The following NOTCH2 variants were observed in gnomAD, a reference collection of about 807,000 sequenced individuals.
NOTCH2 encodes notch receptor 2.
NOTCH2 carries 29 observed loss-of-function variants against 235.8 expected under a neutral mutation model. The observed-to-expected ratio is 0.12, with a 90% CI of 0.09 to 0.17. The LOEUF is 0.17. Among genes scored for constraint, NOTCH2 ranks in the 10% least tolerant of loss-of-function variants. The pLI is 1.00. For synonymous variants in NOTCH2, 1,086 were observed against 1,141.5 expected (o/e 0.95, Z 0.98); for missense variants, 2,285 against 3,150.2 (o/e 0.73, Z 6.57).
At chr1:120,037,203 T>C (rs1654342172) in intron 1 of NOTCH2, among the ~76,000 whole-genome samples, 1 of 151,988 alleles carries the variant, frequency 6.6e-6, no homozygotes, top group Admixed American at 6.6e-5. Context: ...CTTGACTGTC[T>C]GAGGCTCCTA....
intron 3 of NOTCH2, among the ~76,000 whole-genome samples, chr1:119,999,131 A>G (rs1652608423): frequency 6.9e-6 from 1 of 144,826 alleles, no homozygotes; most frequent in Admixed American, 6.9e-5. Context: ...GCTATTGTGA[A>G]TAGTGCCGCA....
intron 5 of NOTCH2, among the ~76,000 whole-genome samples, chr1:119,977,507 G>A (rs1393077269): frequency 2.0e-5 from 3 of 152,138 alleles, no homozygotes; most frequent in African/African-American, 7.2e-5. Context: ...AGCCCTCTGC[G>A]GTAGAGCTCC....
In NOTCH2 at chr1:119,925,505, G is replaced by A. The variant is rs34561092; in HGVS notation, c.4311C>T (p.Gly1437=). 2,469 of 1,614,094 alleles carry A rather than the reference G, an allele frequency of 1.5e-3. 17 individuals are homozygous for A. In the African/African-American group the frequency reaches 0.024, roughly 15 times the overall value. The change falls in exon 25 of 34, where the codon GGC becomes GGT. Residue 1437 remains glycine (G), a synonymous_variant. Coordinates refer to ENST00000256646, the MANE Select transcript of NOTCH2 (RefSeq NM_024408.4). ...GGCTGTTGCAGGCCTCATCACAGAC[G>A]CCATCCCGAGCTTTGTCGGCACAAT... ...SQYCADKARD[G]VCDEACNSHA...
At chr1:119,938,170 C>T (rs376511061) in intron 19 of NOTCH2, among the ~76,000 whole-genome samples, 160 bp from the exon 20 acceptor site, 4 of 152,054 alleles carry the variant, frequency 2.6e-5, no homozygotes, top group Non-Finnish European at 5.9e-5. Flanking sequence ...TTCAGTGTTC[C>T]GAGGTACACC....
chr1:119,979,752 T>C (rs1489858540), intron 5 of NOTCH2, among the ~76,000 whole-genome samples: 6 of 152,194 alleles, frequency 3.9e-5, no homozygotes, highest in Non-Finnish European at 7.3e-5. Flanking sequence ...AGAATATGTA[T>C]ATGTTTATAA....
Position 119,925,662 on chromosome 1 carries a change from T to C in NOTCH2, c.4154A>G (p.His1385Arg). The C allele has an allele frequency of 6.2e-7, 1 of 1,612,654 alleles. No individual in the cohort carries two copies. Residue 1385 changes from histidine (H) to arginine (R), a missense_variant, in exon 25 of 34, where the codon CAC (histidine) becomes CGC (arginine). His to Arg is a conservative substitution (Grantham distance 29). This residue lies in a region of NOTCH2 where 1,173 missense variants were observed against 1,515.3 expected (regional missense o/e 0.77). Transcript: ENST00000256646. ...ESGCASSPCQ[H>R]GGSCHPQRQP... The stretch of plus-strand genomic sequence containing the variant: ...GCGCTGAGGGTGGCAGCTGCCCCCG[T>C]GCTGGCAGGGGCTACTGGCACAGCC...
At chr1:120,029,563 C>T (rs1161070500) in intron 2 of NOTCH2, among the ~76,000 whole-genome samples, 4 of 151,928 alleles carry the variant, frequency 2.6e-5, no homozygotes, top group East Asian at 3.9e-4. Context: ...GTTGGCCAGG[C>T]TGATCTTGAA....
In NOTCH2 at chr1:120,067,583, A is replaced by T. The variant is rs587596821; in HGVS notation, c.73+1751T>A. Reference sequence around the variant, plus strand: ...CTTTAGTCCTGCTTCATAGGTGAGGAGACTACATATCATGAAGATTAAGTT... The same window carrying T: ...CTTTAGTCCTGCTTCATAGGTGAGGTGACTACATATCATGAAGATTAAGTT... On this transcript the variant is annotated intron_variant, in intron 1 of 33. Transcript: ENST00000256646. 6.6e-5 allele frequency among the ~76,000 whole-genome samples: 10 copies of T among 152,286 alleles called. No individual in the cohort carries two copies. The East Asian group carries it at 1.9e-3, about 29-fold the overall frequency.
At chr1:119,983,502 TCACATTAG>T (rs1651896331) in intron 5 of NOTCH2, among the ~76,000 whole-genome samples, 1 of 152,150 alleles carries the variant, frequency 6.6e-6, no homozygotes, top group South Asian at 2.1e-4. Flanking sequence ...ACATCTCAAT[TCACATTAG>T]CCATATTTCA....
intron 11 of NOTCH2, among the ~76,000 whole-genome samples, chr1:119,963,366 T>A (rs1651017039): frequency 6.6e-6 from 1 of 152,178 alleles, no homozygotes; most frequent in African/African-American, 2.4e-5. Flanking sequence ...CACAAAATCA[T>A]CAGATTGGCA....
intron 31 of NOTCH2, among the ~76,000 whole-genome samples, chr1:119,918,913 T>C (rs17258558): frequency 6.6e-6 from 1 of 151,892 alleles, no homozygotes; most frequent in Admixed American, 6.6e-5. Flanking sequence ...GAATATAATA[T>C]GAACTCAGGT....
chr1:120,032,673 G>A (rs1381007047), intron 1 of NOTCH2, among the ~76,000 whole-genome samples: 2 of 123,808 alleles, frequency 1.6e-5, no homozygotes, highest in African/African-American at 3.6e-5. Flanking sequence ...TTTTAAAAAA[G>A]AGTGTTAGAC....
At position 119,926,669 on chromosome 1, in the gene NOTCH2, C is replaced by G. The variant is rs587740250; in HGVS notation, c.3893-58G>C. 4.9e-5 allele frequency: 68 copies of G among 1,401,742 alleles called. No homozygotes were observed. In the African/African-American group the frequency reaches 8.0e-4, roughly 16 times the overall value. 86.8% of individuals were successfully genotyped at this position (1,401,742 alleles called of 1,614,324 possible). On this transcript the variant is annotated intron_variant, in intron 23 of 33. Transcript: ENST00000256646. ...AGGCAGAAGTAGTCACTGCAAGTTACTCAACAAACTTTGCTGGGATGGGAA... is the reference window on the plus strand; with the variant it reads ...AGGCAGAAGTAGTCACTGCAAGTTAGTCAACAAACTTTGCTGGGATGGGAA...
chr1:119,958,048 G>A (rs1553198586), intron 12 of NOTCH2, among the ~76,000 whole-genome samples: 1 of 152,098 alleles, frequency 6.6e-6, no homozygotes, highest in African/African-American at 2.4e-5. Context: ...GGTGACAATT[G>A]ACAATTTAGT....
intron 22 of NOTCH2, among the ~76,000 whole-genome samples, chr1:119,934,269 C>T (rs1448672738): frequency 6.6e-6 from 1 of 152,194 alleles, no homozygotes; most frequent in East Asian, 1.9e-4. Flanking sequence ...GATGCTGGCA[C>T]CGTGCTTCCT....
At chr1:120,005,032 C>T (rs1393893148) in intron 3 of NOTCH2, among the ~76,000 whole-genome samples, 1 of 152,214 alleles carries the variant, frequency 6.6e-6, no homozygotes, top group Admixed American at 6.5e-5. Flanking sequence ...AAGTGATCCT[C>T]CTGCCTTGGC....
intron 15 of NOTCH2, chr1:119,950,488 T>A (rs958699141): frequency 1.1e-4 from 74 of 654,876 alleles, no homozygotes; most frequent in Non-Finnish European, 1.9e-4. Flanking sequence ...TAAAAAAAAA[T>A]TTCTTTCAAA....
chr1:119,948,935 G>A, intron 16 of NOTCH2, 72 bp downstream of exon 16: 1 of 1,595,288 alleles, frequency 6.3e-7, no homozygotes, highest in Non-Finnish European at 8.6e-7. Context: ...CCTTCCATAT[G>A]ATCTGATAAC....
chr1:119,940,588 G>T lies in NOTCH2; in HGVS notation c.3150C>A (p.Ser1050Arg). 1 of 1,614,038 alleles carries T rather than the reference G, an allele frequency of 6.2e-7. No homozygotes were observed. Among genetic ancestry groups the T allele is most frequent in the Non-Finnish European group, 8.5e-7 (1 of 1,179,962 alleles). ...TTTTCCCAGTGTAGCCCAGGGGGCAGCTGCAGCGGTAGGTACCCAGGCCAT... is the reference window on the plus strand; with the variant it reads ...TTTTCCCAGTGTAGCCCAGGGGGCATCTGCAGCGGTAGGTACCCAGGCCAT... Reference protein sequence around the residue: ...CVDGLGTYRCSCPLGYTGKNC... With the variant: ...CVDGLGTYRCRCPLGYTGKNC... The change falls in exon 19 of 34, where the codon AGC becomes AGA. Residue 1050 changes from serine to arginine, a missense_variant. By Grantham distance (110) the Ser-to-Arg change is moderately radical. This residue lies in a region of NOTCH2 where 1,173 missense variants were observed against 1,515.3 expected (regional missense o/e 0.77). Coordinates refer to ENST00000256646, the MANE Select transcript of NOTCH2 (RefSeq NM_024408.4).
Sources: gnomAD v4.1 joint callset for allele counts (sites outside exome capture counted in the v4.1 genomes callset) on GRCh38, gnomAD v4.1.1 for gene constraint, gnomAD v4.1.1 regional missense constraint, MANE v1.5 for transcripts, NCBI Gene and HGNC (gene_info 2026-07-23, HGNC 2026-07-21) for gene names.